The following ERI3 variants were observed in gnomAD, a reference collection of about 807,000 sequenced individuals.
ERI3 encodes ERI1 exoribonuclease family member 3.
Under a neutral mutation model 44.4 loss-of-function variants are expected in ERI3, and 18 were observed. The observed-to-expected ratio is 0.41, with a 90% CI of 0.28 to 0.60. ERI3 has a LOEUF of 0.60. ERI3 is among the 20% of genes least tolerant of loss of function. ERI3 has a pLI of 0.36. For missense variants in ERI3, 294 were observed against 435.5 expected, an observed-to-expected ratio of 0.68 and a Z score of 2.89; for synonymous variants, 183 against 164.8, an observed-to-expected ratio of 1.11 and a Z score of -0.84.
chr1:44,225,911 G>A (rs891682909), intron 8 of ERI3, among the ~76,000 whole-genome samples: 1 of 152,174 alleles, frequency 6.6e-6, no homozygotes, highest in Admixed American at 6.5e-5. Context: ...TATGCTCAGT[G>A]ATCTTGTACC....
intron 6 of ERI3, among the ~76,000 whole-genome samples, chr1:44,306,038 C>T (rs1429896411): frequency 2.0e-5 from 3 of 152,242 alleles, no homozygotes; most frequent in East Asian, 1.9e-4. Context: ...TAGCTGTGCG[C>T]TGTCACGCAG....
intron 2 of ERI3, among the ~76,000 whole-genome samples, chr1:44,340,055 G>C (rs1020378048): frequency 6.6e-6 from 1 of 151,868 alleles, no homozygotes; most frequent in African/African-American, 2.4e-5. Context: ...AATGACTGCG[G>C]GACTTTTTAA....
chr1:44,337,816 C>T (rs192095097), intron 3 of ERI3, among the ~76,000 whole-genome samples: 39 of 152,326 alleles, frequency 2.6e-4, no homozygotes, highest in African/African-American at 8.9e-4. Flanking sequence ...ATGGACCACA[C>T]TCCTCCCTAC....
At chr1:44,238,947 G>C (rs988938828) in intron 8 of ERI3, among the ~76,000 whole-genome samples, 1 of 152,014 alleles carries the variant, frequency 6.6e-6, no homozygotes, top group Non-Finnish European at 1.5e-5. Flanking sequence ...ATTACAACGC[G>C]GGGATGAGGG....
At chr1:44,322,373 C>T (rs1646221040) in intron 3 of ERI3, among the ~76,000 whole-genome samples, 1 of 149,646 alleles carries the variant, frequency 6.7e-6, no homozygotes, top group South Asian at 2.1e-4. Flanking sequence ...AAGCCAGACT[C>T]GGATCCACGC....
chr1:44,315,409 T>G (rs1316257081), intron 4 of ERI3, among the ~76,000 whole-genome samples: 2 of 152,196 alleles, frequency 1.3e-5, no homozygotes, highest in Admixed American at 6.5e-5. Context: ...ATCACTGATG[T>G]GGGGCAAGAA....
chr1:44,243,625 T>C (rs999391707), intron 8 of ERI3: 1 of 152,138 alleles, frequency 6.6e-6, no homozygotes. Flanking sequence ...AGAACTGAAA[T>C]CACAAAGAAC....
At chr1:44,257,592 A>C (rs1291259368) in intron 7 of ERI3, among the ~76,000 whole-genome samples, 3 of 152,130 alleles carry the variant, frequency 2.0e-5, no homozygotes, top group African/African-American at 7.2e-5. Context: ...AATCATCTCC[A>C]TGGGGAGGGA....
At chr1:44,261,482 G>A (rs1644892516) in intron 7 of ERI3, among the ~76,000 whole-genome samples, 1 of 152,198 alleles carries the variant, frequency 6.6e-6, no homozygotes, top group Admixed American at 6.5e-5. Flanking sequence ...GAGAACAAAA[G>A]GAGAGACAGA....
At chr1:44,312,875 T>G (rs1557842694) in intron 5 of ERI3, among the ~76,000 whole-genome samples, 1 of 152,150 alleles carries the variant, frequency 6.6e-6, no homozygotes, top group African/African-American at 2.4e-5. Context: ...CCACCCAGCA[T>G]AGGCTACCCC....
intron 3 of ERI3, among the ~76,000 whole-genome samples, chr1:44,320,451 T>C (rs917456969): frequency 5.3e-5 from 8 of 152,086 alleles, no homozygotes; most frequent in South Asian, 2.1e-4. Flanking sequence ...CTCCGCTATT[T>C]AATAGAGATG....
At chr1:44,347,191 CAA>C (rs898377785) in intron 2 of ERI3, among the ~76,000 whole-genome samples, 1 of 152,166 alleles carries the variant, frequency 6.6e-6, no homozygotes, top group African/African-American at 2.4e-5. Context: ...TCTTTTGAGG[CAA>C]AGTGTAACTT....
chr1:44,247,645 C>T (rs1266156449), intron 8 of ERI3, among the ~76,000 whole-genome samples: 1 of 152,130 alleles, frequency 6.6e-6, no homozygotes, highest in Non-Finnish European at 1.5e-5. Context: ...AGGACATTGC[C>T]CACTAGAGAT....
intron 2 of ERI3, among the ~76,000 whole-genome samples, chr1:44,340,984 A>C (rs906467023): frequency 5.9e-5 from 9 of 152,184 alleles, no homozygotes; most frequent in African/African-American, 2.2e-4. Flanking sequence ...CAAATTACCC[A>C]TTCTAGTTTG....
chr1:44,253,586 A>T (rs1402981880), intron 7 of ERI3, among the ~76,000 whole-genome samples: 2 of 152,218 alleles, frequency 1.3e-5, no homozygotes, highest in Non-Finnish European at 2.9e-5. Flanking sequence ...TGACTCTGAC[A>T]TACCTACCAT....
chr1:44,333,043 A>G (rs1646463056), intron 3 of ERI3, among the ~76,000 whole-genome samples: 1 of 152,214 alleles, frequency 6.6e-6, no homozygotes, highest in Non-Finnish European at 1.5e-5. Flanking sequence ...TTATTCCAGG[A>G]GTCGGGAGCC....
At chr1:44,321,239 T>C (rs894426278) in intron 3 of ERI3, among the ~76,000 whole-genome samples, 2 of 152,172 alleles carry the variant, frequency 1.3e-5, no homozygotes, top group South Asian at 2.1e-4. Context: ...TCAGACTTCA[T>C]GCCAGAGAGA....
chr1:44,303,780 C>A (rs930960159), intron 6 of ERI3, among the ~76,000 whole-genome samples: 7 of 151,974 alleles, frequency 4.6e-5, no homozygotes, highest in African/African-American at 1.7e-4. Context: ...CAAGGGCAAA[C>A]CTTGAAAGGT....
chr1:44,304,633 G>A (rs894483942), intron 6 of ERI3, among the ~76,000 whole-genome samples: 75 of 152,102 alleles, frequency 4.9e-4, no homozygotes, highest in African/African-American at 1.7e-3. Flanking sequence ...TGGTTCCATC[G>A]TGGCACCTTT....
Sources: gnomAD v4.1 joint callset for allele counts (sites outside exome capture counted in the v4.1 genomes callset) on GRCh38, gnomAD v4.1.1 for gene constraint, MANE v1.5 for transcripts, NCBI Gene and HGNC (gene_info 2026-07-23, HGNC 2026-07-21) for gene names.